Variants in RIMS1 observed in about 807,000 individuals in gnomAD.
RIMS1 encodes the protein regulating synaptic membrane exocytosis 1, also known as regulating synaptic membrane exocytosis protein 1.
RIMS1 carries 83 observed loss-of-function variants against 214.1 expected under a neutral mutation model. The ratio of observed to expected loss-of-function variants is 0.39; its 90% confidence interval spans 0.32 to 0.47. The LOEUF (loss-of-function observed/expected upper bound fraction) is 0.47, where lower values mean the gene tolerates loss of function less well. Among genes scored for constraint, RIMS1 ranks in the 20% least tolerant of loss-of-function variants. RIMS1 has a pLI of 0.99. For missense variants in RIMS1, 2,050 were observed against 2,161.8 expected, an observed-to-expected ratio of 0.95 and a Z score of 1.03; for synonymous variants, 793 against 786.8, an observed-to-expected ratio of 1.01 and a Z score of -0.13.
At chr6:71,888,566 C>T (rs1010247742) in intron 1 of RIMS1, among the ~76,000 whole-genome samples, 8 of 152,284 alleles carry the variant, frequency 5.3e-5, no homozygotes, top group Non-Finnish European at 1.2e-4. Flanking sequence ...GCAGCAGTGC[C>T]TCATAGGAGA....
intron 2 of RIMS1, among the ~76,000 whole-genome samples, chr6:71,997,123 T>C (rs1413790988): frequency 6.6e-6 from 1 of 152,188 alleles, no homozygotes; most frequent in Non-Finnish European, 1.5e-5. Flanking sequence ...TGAAGTAACT[T>C]AATTACTTTT....
intron 31 of RIMS1, among the ~76,000 whole-genome samples, chr6:72,394,706 A>T (rs181154413): frequency 2.0e-5 from 3 of 151,574 alleles, no homozygotes; most frequent in Admixed American, 6.6e-5. Context: ...TGTGTGATTT[A>T]AAAAGAAATC....
chr6:72,246,139 A>G (rs780173962), intron 11 of RIMS1, among the ~76,000 whole-genome samples: 7 of 152,148 alleles, frequency 4.6e-5, no homozygotes, highest in Non-Finnish European at 8.8e-5. Context: ...AGAGCTTAAT[A>G]TATCAGGAAT....
At chr6:71,985,260 G>A (rs1026772572) in intron 2 of RIMS1, among the ~76,000 whole-genome samples, 16 of 152,106 alleles carry the variant, frequency 1.1e-4, no homozygotes, top group Non-Finnish European at 1.8e-4. Flanking sequence ...GCATGGTGGC[G>A]TGTGCCTGTA....
intron 6 of RIMS1, among the ~76,000 whole-genome samples, chr6:72,191,940 G>T (rs1325875942): frequency 6.6e-6 from 1 of 152,160 alleles, no homozygotes; most frequent in Non-Finnish European, 1.5e-5. Flanking sequence ...GTCACTCCAG[G>T]GATGTGATAT....
intron 4 of RIMS1, among the ~76,000 whole-genome samples, chr6:72,158,386 A>C (rs6453572): frequency 0.88 from 123,112 of 139,628 alleles, 56,543 homozygotes; most frequent in East Asian, 1. Flanking sequence ...TGTGTCTTTT[A>C]TCTCTGGTTG....
intron 2 of RIMS1, among the ~76,000 whole-genome samples, chr6:72,000,118 T>C (rs936762775): frequency 1.3e-5 from 2 of 152,130 alleles, no homozygotes; most frequent in African/African-American, 2.4e-5. Flanking sequence ...AGTGTAAACT[T>C]ACAATTTACC....
rs569666095 is a variant in RIMS1 at position 72,134,123 on chromosome 6, C to T, written c.471+34137C>T. 7.9e-5 allele frequency among the ~76,000 whole-genome samples: 12 copies of T among 152,104 alleles called. 1 individual carries two copies. In the East Asian group the frequency reaches 2.3e-3, roughly 29 times the overall value. On this transcript the variant is annotated intron_variant, in intron 4 of 33. Coordinates refer to ENST00000521978, the MANE Select transcript of RIMS1 (RefSeq NM_014989.7). ...AATTTTCAATGTCTTCCTTTAAAGA[C>T]AATACTGCAGATGTGTTATACATTT...
At position 72,237,881 on chromosome 6, in the gene RIMS1, A is replaced by G. The variant is rs2064918795; in HGVS notation, c.1916A>G (p.Lys639Arg). 1.2e-6 allele frequency: 2 copies of G among 1,613,458 alleles called. No individual in the cohort carries two copies. The highest frequency in any genetic ancestry group is 2.7e-5 in the African/African-American group (2 of 74,858). Residue 639 changes from lysine (K) to arginine (R), a missense_variant, in exon 9 of 34, where the codon AAG becomes AGG. Physicochemically the swap from Lys to Arg is conservative, Grantham distance 26. Transcript: ENST00000521978. Reference sequence around the variant, plus strand: ...CTTGGTGCTTTCATCACCAAAGTAAAGAAGGGTAGCCTAGCAGATGTAGTT... The same window carrying G: ...CTTGGTGCTTTCATCACCAAAGTAAGGAAGGGTAGCCTAGCAGATGTAGTT... ...GRLGAFITKV[K>R]KGSLADVVGH... is the part of the protein sequence containing the mutation.
At position 71,923,461 on chromosome 6, in the gene RIMS1, C is replaced by T. The variant is rs144496867; in HGVS notation, c.164+36274C>T. ...GCCATATTAAATGGAAAGGGGCATG[C>T]GTCACTGTCATCTCCACCCTGTGGT... On this transcript the variant is annotated intron_variant, in intron 1 of 33. Coordinates refer to ENST00000521978, the MANE Select transcript of RIMS1 (RefSeq NM_014989.7). Among the ~76,000 whole-genome samples the T allele has an allele frequency of 5.9e-3, 893 of 152,256 alleles. 8 individuals are homozygous for T. The highest frequency in any genetic ancestry group is 0.02 in the African/African-American group (835 of 41,542).
intron 4 of RIMS1, among the ~76,000 whole-genome samples, chr6:72,177,583 G>C (rs1242441110): frequency 6.6e-6 from 1 of 152,164 alleles, no homozygotes; most frequent in East Asian, 1.9e-4. Context: ...ATGATAATAA[G>C]TTGCTTACTA....
chr6:72,261,987 T>G, intron 19 of RIMS1: 1 of 984,716 alleles, frequency 1.0e-6, no homozygotes, highest in Non-Finnish European at 1.2e-6. Context: ...TAATGGTTTA[T>G]TTACTAATTC....
intron 4 of RIMS1, among the ~76,000 whole-genome samples, chr6:72,125,258 G>C (rs1197075364): frequency 1.3e-5 from 2 of 152,164 alleles, no homozygotes; most frequent in Admixed American, 1.3e-4. Context: ...AGGTCTCCTG[G>C]AGTTTGCTGG....
chr6:72,178,429 T>C (rs545382926), intron 4 of RIMS1, among the ~76,000 whole-genome samples: 1 of 152,378 alleles, frequency 6.6e-6, no homozygotes, highest in Admixed American at 6.5e-5. Context: ...TACTATTTTC[T>C]ATTACTTATC....
intron 6 of RIMS1, among the ~76,000 whole-genome samples, chr6:72,221,223 G>A (rs576837828): frequency 6.6e-6 from 1 of 151,942 alleles, no homozygotes; most frequent in East Asian, 1.9e-4. Flanking sequence ...ACATCCATAT[G>A]TGCGATCTAA....
At chr6:71,985,151 T>C (rs935217938) in intron 2 of RIMS1, among the ~76,000 whole-genome samples, 5 of 152,166 alleles carry the variant, frequency 3.3e-5, no homozygotes, top group African/African-American at 1.2e-4. Flanking sequence ...TGGGAGGCCA[T>C]GGCAAGAGAA....
intron 2 of RIMS1, among the ~76,000 whole-genome samples, chr6:72,090,105 G>A (rs2153791787): frequency 6.6e-6 from 1 of 151,784 alleles, no homozygotes; most frequent in East Asian, 1.9e-4. Flanking sequence ...CACCAGCATG[G>A]CACACGTATA....
At position 72,189,610 on chromosome 6, in the gene RIMS1, C is replaced by G. The variant is rs142644499; in HGVS notation, c.1678+6461C>G. Among the ~76,000 whole-genome samples, 448 of 152,298 alleles carry G rather than the reference C, an allele frequency of 2.9e-3. 1 individual carries two copies. The highest frequency in any genetic ancestry group is 0.01 in the African/African-American group (431 of 41,560). On this transcript the variant is annotated intron_variant, in intron 6 of 33. Transcript: ENST00000521978. ...GCCACCAAGTAGCTGGCTGATCACC[C>G]CAAGGAATGGTGCCATATTAAGGGC... is the stretch of plus-strand genomic sequence containing the variant.
rs1488480240 is a variant in RIMS1, at chr6:72,401,918, T to A, written c.*1204T>A. The A allele has an allele frequency of 1.3e-5, 2 of 152,702 alleles. No individual in the cohort carries two copies. Among genetic ancestry groups the A allele is most frequent in the African/African-American group, 2.4e-5 (1 of 41,480 alleles). The allele number at this position is 152,702 out of a possible 1,614,324, so 9.5% of individuals were successfully genotyped here. A position where few individuals can be genotyped will look rare whatever the true frequency, so the allele number is the denominator to read the frequency against. On this transcript the variant is annotated 3_prime_UTR_variant, in exon 34 of 34. Transcript: ENST00000521978. ...GCAAGCACAAAGCTTGATTTTTTAA[T>A]GCAAAGTATCTTACTTTTTGGGGGG...
Sources: gnomAD v4.1 joint callset for allele counts (sites outside exome capture counted in the v4.1 genomes callset) on GRCh38, gnomAD v4.1.1 for gene constraint, MANE v1.5 for transcripts, NCBI Gene and HGNC (gene_info 2026-07-23, HGNC 2026-07-21) for gene names.